The following GREB1L variants were observed in gnomAD, a reference collection of about 807,000 sequenced individuals.
The protein encoded by GREB1L is GREB1 like retinoic acid receptor coactivator, also known as GREB1-like protein.
GREB1L carries 17 observed loss-of-function variants against 200.8 expected under a neutral mutation model. That is an observed-to-expected ratio of 0.08 (90% confidence interval 0.06 to 0.13). The LOEUF is 0.13. Among genes scored for constraint, GREB1L ranks in the 10% least tolerant of loss-of-function variants. The pLI, the probability that GREB1L is intolerant of heterozygous loss-of-function variation, is 1.00. For synonymous variants in GREB1L, 789 were observed against 893.0 expected, an observed-to-expected ratio of 0.88 and a Z score of 2.08; for missense variants, 1,657 against 2,367.7, an observed-to-expected ratio of 0.70 and a Z score of 6.23.
At chr18:21,308,084 T>C (rs1454488305) in intron 1 of GREB1L, among the ~76,000 whole-genome samples, 1 of 152,262 alleles carries the variant, frequency 6.6e-6, no homozygotes, top group African/African-American at 2.4e-5. Context: ...CTGATACAAA[T>C]GACTTACTGT....
chr18:21,469,284 A>T (rs1254430138), intron 15 of GREB1L, among the ~76,000 whole-genome samples: 1 of 152,206 alleles, frequency 6.6e-6, no homozygotes, highest in Admixed American at 6.5e-5. Flanking sequence ...ATGTATTTAT[A>T]AATACAGGTC....
At chr18:21,316,653 A>C (rs1301341846) in intron 1 of GREB1L, among the ~76,000 whole-genome samples, 1 of 151,852 alleles carries the variant, frequency 6.6e-6, no homozygotes, top group South Asian at 2.1e-4. Flanking sequence ...GTTGCAAAAG[A>C]TAATAGATAA....
chr18:21,388,821 A>T (rs1202726784), intron 4 of GREB1L, among the ~76,000 whole-genome samples: 2 of 152,050 alleles, frequency 1.3e-5, no homozygotes, highest in East Asian at 3.8e-4. Context: ...AGTATTAGGC[A>T]TATTGTAGGA....
rs147634450 is a variant in GREB1L, at chr18:21,280,678, G to A, written c.-120+38285G>A. Among the ~76,000 whole-genome samples the A allele has an allele frequency of 3.9e-4, 60 of 152,152 alleles. 1 individual carries two copies. The East Asian group carries it at 0.011, about 27-fold the overall frequency. On this transcript the variant is annotated intron_variant, in intron 1 of 32. Transcript: ENST00000424526. ...TAAACACTTTTTTTCTCCCTTCAGA[G>A]CCTGTTTTCTCCAGGTTGCTTTTTG...
intron 7 of GREB1L, among the ~76,000 whole-genome samples, chr18:21,431,474 G>A (rs1490281531): frequency 6.6e-6 from 1 of 152,110 alleles, no homozygotes; most frequent in Admixed American, 6.5e-5. Flanking sequence ...CTTGAGTTTA[G>A]ATAATGTATT....
At chr18:21,512,267 C>T (rs999594186) in intron 27 of GREB1L, among the ~76,000 whole-genome samples, 1 of 152,210 alleles carries the variant, frequency 6.6e-6, no homozygotes, top group African/African-American at 2.4e-5. Context: ...GGCTATGGAT[C>T]ACTTTGGGTA....
intron 1 of GREB1L, among the ~76,000 whole-genome samples, chr18:21,309,079 T>C (rs1291758092): frequency 6.6e-6 from 1 of 152,236 alleles, no homozygotes; most frequent in Non-Finnish European, 1.5e-5. Flanking sequence ...TTTCTTTATG[T>C]TGGCATTGGG....
chr18:21,356,549 A>C (rs982363222), intron 1 of GREB1L, among the ~76,000 whole-genome samples: 5 of 152,176 alleles, frequency 3.3e-5, no homozygotes, highest in African/African-American at 1.2e-4. Flanking sequence ...TATATATACC[A>C]CATTTTCCTT....
rs1203410390 is a variant in GREB1L at position 21,480,125 on chromosome 18, T to C, written c.2556+2769T>C. Among the ~76,000 whole-genome samples the C allele has an allele frequency of 7.2e-5, 11 of 152,014 alleles. No individual in the cohort carries two copies. In the East Asian group the frequency reaches 1.9e-3, roughly 27 times the overall value. ...CAGCACTCTGGGAGGCTGAGATGAG[T>C]GGATCACTTGAGGTCGGGAGTTCGA... On this transcript the variant is annotated intron_variant, in intron 17 of 32. Coordinates refer to ENST00000424526, the MANE Select transcript of GREB1L (RefSeq NM_001142966.3).
intron 2 of GREB1L, among the ~76,000 whole-genome samples, chr18:21,382,859 A>G (rs2040379017): frequency 6.6e-6 from 1 of 152,202 alleles, no homozygotes; most frequent in Admixed American, 6.6e-5. Context: ...AGTAAAGGTC[A>G]TGACTTCAAA....
intron 1 of GREB1L, among the ~76,000 whole-genome samples, chr18:21,289,871 G>A (rs2038419125): frequency 6.6e-6 from 1 of 152,156 alleles, no homozygotes; most frequent in Non-Finnish European, 1.5e-5. Context: ...ATTGCCTCCA[G>A]AATTAAGAGG....
chr18:21,370,586 A>G (rs1170597285), intron 2 of GREB1L, among the ~76,000 whole-genome samples: 2 of 152,232 alleles, frequency 1.3e-5, no homozygotes, highest in Non-Finnish European at 2.9e-5. Flanking sequence ...TGTAAGGGAC[A>G]GTCATAATCT....
intron 2 of GREB1L, among the ~76,000 whole-genome samples, chr18:21,381,664 A>G (rs532511612): frequency 2.4e-4 from 37 of 152,304 alleles, no homozygotes; most frequent in African/African-American, 8.7e-4. Context: ...AATTCCATGT[A>G]CACATATGAG....
intron 17 of GREB1L, among the ~76,000 whole-genome samples, chr18:21,483,972 C>CAA (rs67820386): frequency 1.9e-4 from 16 of 84,684 alleles, no homozygotes; most frequent in African/African-American, 4.1e-4. Flanking sequence ...TGAGACTCCT[C>CAA]AAAAAAAAAG....
At chr18:21,342,146 A>C (rs1448892057) in intron 1 of GREB1L, among the ~76,000 whole-genome samples, 1 of 152,168 alleles carries the variant, frequency 6.6e-6, no homozygotes, top group African/African-American at 2.4e-5. Flanking sequence ...AAAATTTCAG[A>C]CTGATTGATG....
intron 25 of GREB1L, 58 bp from the exon 26 acceptor site, chr18:21,508,060 G>A: frequency 6.7e-7 from 1 of 1,493,128 alleles, no homozygotes; most frequent in African/African-American, 1.4e-5. Flanking sequence ...GAGTGGCCTG[G>A]AAGTTTGGAA....
intron 23 of GREB1L, among the ~76,000 whole-genome samples, chr18:21,501,183 T>C (rs2036775895): frequency 1.3e-5 from 2 of 151,822 alleles, no homozygotes; most frequent in Middle Eastern, 3.4e-3. Flanking sequence ...TGGTGTATTC[T>C]ACTTTTAGCC....
chr18:21,516,126 T>C (rs1279319442), intron 29 of GREB1L, among the ~76,000 whole-genome samples: 1 of 152,166 alleles, frequency 6.6e-6, no homozygotes, highest in African/African-American at 2.4e-5. Flanking sequence ...AGGGTAGCCA[T>C]GGCCTTGCCT....
chr18:21,358,261 A>G (rs1043868167), intron 1 of GREB1L, among the ~76,000 whole-genome samples: 3 of 152,044 alleles, frequency 2.0e-5, no homozygotes, highest in Admixed American at 6.6e-5. Flanking sequence ...TGTGGTTAGC[A>G]TATAGAAATG....
Sources: allele counts gnomAD v4.1 joint callset (sites outside exome capture counted in the v4.1 genomes callset), GRCh38; gene constraint gnomAD v4.1.1; transcripts MANE v1.5; gene names NCBI Gene and HGNC (gene_info 2026-07-23, HGNC 2026-07-21).